POU6F2: variants seen among roughly 807,000 people sequenced by gnomAD.
The protein encoded by POU6F2 is POU class 6 homeobox 2, also known as POU domain, class 6, transcription factor 2.
In POU6F2, 31 loss-of-function variants were observed where a neutral mutation model predicts 71.3. The observed-to-expected ratio is 0.43, with a 90% CI of 0.33 to 0.59. The LOEUF (loss-of-function observed/expected upper bound fraction) is 0.59. Ranked by LOEUF, POU6F2 falls within the 20% of genes least tolerant of loss-of-function variation. POU6F2 has a pLI of 0.04. For synonymous variants in POU6F2, 347 were observed against 355.7 expected (o/e 0.98, Z 0.27); for missense variants, 783 against 856.8 (o/e 0.91, Z 1.07).
chr7:39,409,623 C>T (rs542947024), intron 6 of POU6F2, among the ~76,000 whole-genome samples: 23 of 151,908 alleles, frequency 1.5e-4, no homozygotes, highest in Non-Finnish European at 2.7e-4. Context: ...GGCCCACAGC[C>T]TATGCCAGTG....
chr7:39,169,213 T>G (rs997164456), intron 2 of POU6F2, among the ~76,000 whole-genome samples: 1 of 152,256 alleles, frequency 6.6e-6, no homozygotes, highest in African/African-American at 2.4e-5. Flanking sequence ...CATCTAACTT[T>G]AACACCTTTA....
chr7:39,114,972 G>A (rs1219554602), intron 2 of POU6F2, among the ~76,000 whole-genome samples: 1 of 152,126 alleles, frequency 6.6e-6, no homozygotes, highest in Non-Finnish European at 1.5e-5. Context: ...AAATCATAGT[G>A]GTTTAGGGAG....
chr7:39,231,475 T>A (rs1279933434), intron 4 of POU6F2, among the ~76,000 whole-genome samples: 1 of 152,208 alleles, frequency 6.6e-6, no homozygotes, highest in Non-Finnish European at 1.5e-5. Flanking sequence ...AATTATACCC[T>A]TTTATATATG....
intron 5 of POU6F2, among the ~76,000 whole-genome samples, chr7:39,390,599 TAG>T (rs1045225375): frequency 1.3e-5 from 2 of 152,194 alleles, no homozygotes; most frequent in Non-Finnish European, 2.9e-5. Flanking sequence ...GTTTGGAAGA[TAG>T]AGTCCTTCCT....
rs111901359 is a variant in POU6F2, at chr7:39,399,486, A to G, written c.973-7114A>G. On this transcript the variant is annotated intron_variant, in intron 5 of 9. Transcript: ENST00000518318. The stretch of plus-strand genomic sequence containing the variant: ...GCACAATAATTTGCTGTAATGGGTC[A>G]CAGAATAGAGGGAAACATGATTATC... Among the ~76,000 whole-genome samples the G allele has an allele frequency of 1.7e-3, 264 of 152,342 alleles. 2 individuals are homozygous for G. The highest frequency in any genetic ancestry group is 6.0e-3 in the African/African-American group (249 of 41,580).
intron 4 of POU6F2, among the ~76,000 whole-genome samples, chr7:39,286,185 C>T (rs914852799): frequency 1.3e-5 from 2 of 152,124 alleles, no homozygotes; most frequent in Admixed American, 6.5e-5. Flanking sequence ...TACGGTCATA[C>T]ATCTATCCCA....
In POU6F2 at chr7:39,433,280, G is replaced by A; in HGVS notation, c.1317G>A (p.Gln439=). The A allele has an allele frequency of 6.2e-7, 1 of 1,613,924 alleles. No homozygotes were observed. The highest frequency in any genetic ancestry group is 8.5e-7 in the Non-Finnish European group (1 of 1,179,858). ...GITLSPIKPG[Q]QLHQPSQTSV... Reference sequence around the variant, plus strand: ...CGCTGTCACCCATCAAGCCCGGCCAGCAGGTAAATGTTCCAGGCCAAGGCA... The same window carrying A: ...CGCTGTCACCCATCAAGCCCGGCCAACAGGTAAATGTTCCAGGCCAAGGCA... Residue 439 remains glutamine (Q), a synonymous_variant, in exon 7 of 10, where the codon CAG becomes CAA. Transcript: ENST00000518318.
At chr7:39,267,699 C>T (rs932773243) in intron 4 of POU6F2, among the ~76,000 whole-genome samples, 7 of 151,816 alleles carry the variant, frequency 4.6e-5, no homozygotes, top group Admixed American at 1.3e-4. Flanking sequence ...CAAACTCCTA[C>T]GCTCAAGGGA....
chr7:39,271,959 A>C (rs68122495), intron 4 of POU6F2, among the ~76,000 whole-genome samples: 74,478 of 151,006 alleles, frequency 0.49, 19,827 homozygotes, highest in East Asian at 0.69. Flanking sequence ...CCATACGGTT[A>C]TGAAGAGGAT....
intron 4 of POU6F2, among the ~76,000 whole-genome samples, chr7:39,220,540 T>G (rs1794329076): frequency 6.6e-6 from 1 of 152,066 alleles, no homozygotes; most frequent in African/African-American, 2.4e-5. Flanking sequence ...TCTGAGATGT[T>G]TAGTTAATAC....
At chr7:38,983,471 T>A (rs1788379305) in intron 1 of POU6F2, among the ~76,000 whole-genome samples, 1 of 151,930 alleles carries the variant, frequency 6.6e-6, no homozygotes, top group African/African-American at 2.4e-5. Flanking sequence ...TTAGCCTATG[T>A]AAATTGCTCT....
Position 39,464,800 on chromosome 7 carries a change from G to A in POU6F2, c.*114G>A, listed in dbSNP as rs566429368. On this transcript the variant is annotated 3_prime_UTR_variant, in exon 10 of 10. Transcript: ENST00000518318. This position sits in a 1 kb window ranked among gnomAD's most constrained non-coding sequence, Gnocchi z 4.1. ...ATTTAATTTAAAAATAGCCCCAGTC[G>A]TCATCACCCTTGTAAGTAAATGACT... 20 of 1,232,388 alleles carry A rather than the reference G, an allele frequency of 1.6e-5. No individual in the cohort carries two copies. The highest frequency in any genetic ancestry group is 1.9e-4 in the Middle Eastern group (1 of 5,150). The allele number at this position is 1,232,388 out of a possible 1,614,324, so 76.3% of individuals were successfully genotyped here.
At chr7:39,153,416 A>G (rs1792800045) in intron 2 of POU6F2, among the ~76,000 whole-genome samples, 1 of 152,164 alleles carries the variant, frequency 6.6e-6, no homozygotes, top group South Asian at 2.1e-4. Flanking sequence ...TTGCTACACA[A>G]TACGATCGCA....
intron 7 of POU6F2, 94 bp downstream of exon 7, chr7:39,433,377 A>T (rs1266543577): frequency 7.3e-7 from 1 of 1,370,716 alleles, no homozygotes; most frequent in Non-Finnish European, 1.0e-6. Context: ...TAACTTTTAC[A>T]TTACAAAATA....
At chr7:39,294,259 G>T (rs1195705833) in intron 4 of POU6F2, among the ~76,000 whole-genome samples, 2 of 150,926 alleles carry the variant, frequency 1.3e-5, no homozygotes, top group Non-Finnish European at 3.0e-5. Context: ...TTAGAAGTAG[G>T]TTTTTCCAGC....
chr7:39,289,111 A>G (rs551271984), intron 4 of POU6F2, among the ~76,000 whole-genome samples: 5 of 152,126 alleles, frequency 3.3e-5, no homozygotes, highest in Non-Finnish European at 5.9e-5. Flanking sequence ...CTTTCTGCTT[A>G]TTTTCCCCCC....
intron 2 of POU6F2, among the ~76,000 whole-genome samples, chr7:39,098,141 C>G (rs1277361853): frequency 6.6e-6 from 1 of 152,090 alleles, no homozygotes; most frequent in Admixed American, 6.5e-5. Context: ...CCTGTCTTTT[C>G]TGCCTTTATT....
intron 1 of POU6F2, among the ~76,000 whole-genome samples, chr7:39,054,794 A>AC (rs2128714570): frequency 6.6e-6 from 1 of 151,152 alleles, no homozygotes; most frequent in Non-Finnish European, 1.5e-5. Flanking sequence ...AAAAAAAAAA[A>AC]AGAGCAAGCA....
intron 4 of POU6F2, among the ~76,000 whole-genome samples, chr7:39,255,491 A>C (rs1784003362): frequency 6.6e-6 from 1 of 152,244 alleles, no homozygotes; most frequent in Non-Finnish European, 1.5e-5. Context: ...CACATGAAGA[A>C]GCTGACATGT....
Sources: gnomAD v4.1 joint callset for allele counts (sites outside exome capture counted in the v4.1 genomes callset) on GRCh38, gnomAD v4.1.1 for gene constraint, Gnocchi (gnomAD v3.1) non-coding constraint, MANE v1.5 for transcripts, NCBI Gene and HGNC (gene_info 2026-07-23, HGNC 2026-07-21) for gene names.